The following NAV2 variants were observed in gnomAD, a reference collection of about 807,000 sequenced individuals.
NAV2 encodes neuron navigator 2.
NAV2 carries 54 observed loss-of-function variants against 223.2 expected under a neutral mutation model. That is an observed-to-expected ratio of 0.24 (90% CI 0.19 to 0.30). The LOEUF (loss-of-function observed/expected upper bound fraction) is 0.30. Among genes scored for constraint, NAV2 ranks in the 10% least tolerant of loss-of-function variants. NAV2 has a pLI of 1.00. For missense variants in NAV2, 2,806 were observed against 3,147.5 expected, an observed-to-expected ratio of 0.89 and a Z score of 2.60; for synonymous variants, 1,279 against 1,239.3, an observed-to-expected ratio of 1.03 and a Z score of -0.67.
At chr11:19,511,108 C>A (rs1323128164) in intron 1 of NAV2, 2 of 152,144 alleles carry the variant, frequency 1.3e-5, no homozygotes, top group African/African-American at 2.4e-5. Context: ...GATCACACAG[C>A]CAGAAAATAG....
chr11:19,867,149 A>G (rs1290860423), intron 3 of NAV2, among the ~76,000 whole-genome samples: 1 of 152,216 alleles, frequency 6.6e-6, no homozygotes, highest in Non-Finnish European at 1.5e-5. Flanking sequence ...GGTGGCATTT[A>G]GAGACACAAC....
At chr11:19,660,889 A>C (rs1402402964) in intron 1 of NAV2, among the ~76,000 whole-genome samples, 1 of 152,142 alleles carries the variant, frequency 6.6e-6, no homozygotes, top group Non-Finnish European at 1.5e-5. Context: ...AATTGAGGGA[A>C]AGTGGGGCTT....
Position 20,103,323 on chromosome 11 carries a change from C to G in NAV2, c.6486C>G (p.Pro2162=), listed in dbSNP as rs750927133. ...GTGAGAACAATGCTGTGGACATGCC[C>G]CTCGTCATCATCCTGGACAACCTAC... ...CNSENNAVDM[P]LVIILDNLHH... Residue 2162 remains proline, a synonymous_variant, in exon 33 of 38, where the codon CCC becomes CCG. Transcript: ENST00000349880. The G allele has an allele frequency of 5.0e-6, 8 of 1,614,160 alleles. No homozygotes were observed. The highest frequency in any genetic ancestry group is 1.6e-4 in the Middle Eastern group (1 of 6,062).
intron 26 of NAV2, among the ~76,000 whole-genome samples, chr11:20,088,177 T>C (rs895175765): frequency 8.5e-5 from 13 of 152,156 alleles, no homozygotes; most frequent in African/African-American, 3.1e-4. Flanking sequence ...CAAAAGAATG[T>C]GTTTTCTTTT....
intron 1 of NAV2, among the ~76,000 whole-genome samples, chr11:19,527,155 G>T (rs1471898): frequency 0.17 from 25,413 of 151,868 alleles, 2,209 homozygotes; most frequent in South Asian, 0.24. Context: ...GGGACCTTGT[G>T]GGAGATAACT....
intron 19 of NAV2, among the ~76,000 whole-genome samples, chr11:20,061,075 G>T (rs2058670997): frequency 6.6e-6 from 1 of 152,156 alleles, no homozygotes; most frequent in African/African-American, 2.4e-5. Context: ...AACTCGGTGT[G>T]GGAGTAGAGC....
intron 1 of NAV2, among the ~76,000 whole-genome samples, chr11:19,641,040 A>G (rs944493420): frequency 1.3e-5 from 2 of 152,190 alleles, no homozygotes; most frequent in African/African-American, 2.4e-5. Context: ...TTGGAGAGGC[A>G]GAGTTCAGCA....
chr11:20,112,364 C>T (rs536103802), intron 36 of NAV2, among the ~76,000 whole-genome samples: 6 of 152,236 alleles, frequency 3.9e-5, no homozygotes, highest in Admixed American at 6.5e-5. Flanking sequence ...GAGCGCAGGA[C>T]GGGAGGAGTG....
chr11:19,572,815 G>A (rs2045463439), intron 1 of NAV2, among the ~76,000 whole-genome samples: 1 of 152,164 alleles, frequency 6.6e-6, no homozygotes, highest in Non-Finnish European at 1.5e-5. Flanking sequence ...CCAGCACATG[G>A]TAGGGACTTG....
At chr11:20,022,923 G>A (rs993142761) in intron 11 of NAV2, 11 of 1,349,596 alleles carry the variant, frequency 8.2e-6, no homozygotes, top group Admixed American at 2.9e-5. Context: ...TTGGGGGATC[G>A]GATTTCTTTC....
chr11:19,420,071 C>T (rs777381212), intron 1 of NAV2, among the ~76,000 whole-genome samples: 32 of 152,152 alleles, frequency 2.1e-4, no homozygotes, highest in Admixed American at 1.5e-3. Context: ...ACGTTACTGT[C>T]TTTAAAAGTT....
intron 11 of NAV2, among the ~76,000 whole-genome samples, chr11:19,987,387 A>G (rs898709797): frequency 5.3e-5 from 8 of 152,374 alleles, no homozygotes; most frequent in Admixed American, 2.0e-4. Context: ...CACATAAGCA[A>G]TAGACCACAT....
At chr11:19,772,633 C>T (rs1405291608) in intron 1 of NAV2, among the ~76,000 whole-genome samples, 1 of 152,180 alleles carries the variant, frequency 6.6e-6, no homozygotes, top group East Asian at 1.9e-4. Flanking sequence ...TAGCTCATTC[C>T]CTCCTCCCCA....
chr11:19,787,730 T>C (rs1293967477), intron 1 of NAV2, among the ~76,000 whole-genome samples: 1 of 152,126 alleles, frequency 6.6e-6, no homozygotes, highest in Non-Finnish European at 1.5e-5. Context: ...GGAAGGATGG[T>C]TGTCCTTCAG....
intron 1 of NAV2, among the ~76,000 whole-genome samples, chr11:19,388,194 A>G (rs1028362123): frequency 1.3e-5 from 2 of 152,244 alleles, no homozygotes; most frequent in East Asian, 1.9e-4. Context: ...GAATCTTTGT[A>G]TGTTTTAGAA....
At chr11:20,065,101 A>G (rs951619149) in intron 20 of NAV2, among the ~76,000 whole-genome samples, 2 of 152,248 alleles carry the variant, frequency 1.3e-5, no homozygotes, top group African/African-American at 4.8e-5. Flanking sequence ...AAGAAAAACT[A>G]CAAGTCTGGC....
At chr11:19,813,714 A>G (rs2058953332) in intron 1 of NAV2, among the ~76,000 whole-genome samples, 1 of 152,130 alleles carries the variant, frequency 6.6e-6, no homozygotes, top group Non-Finnish European at 1.5e-5. Flanking sequence ...CAGTGCTTTG[A>G]ACTAGACACT....
chr11:19,873,977 G>A (rs2062695085), intron 4 of NAV2, among the ~76,000 whole-genome samples: 3 of 152,166 alleles, frequency 2.0e-5, no homozygotes, highest in African/African-American at 7.2e-5. Context: ...ACACAACCAT[G>A]GCTCAAAGGA....
chr11:19,807,999 G>C (rs1396450622), intron 1 of NAV2, among the ~76,000 whole-genome samples: 2 of 152,196 alleles, frequency 1.3e-5, no homozygotes, highest in Non-Finnish European at 2.9e-5. Context: ...CTTCATAGTG[G>C]CAGGTGGCTG....
Sources: gnomAD v4.1 joint callset for allele counts (sites outside exome capture counted in the v4.1 genomes callset) on GRCh38, gnomAD v4.1.1 for gene constraint, MANE v1.5 for transcripts, NCBI Gene and HGNC (gene_info 2026-07-23, HGNC 2026-07-21) for gene names.